The following ENPP3 variants were observed in gnomAD, a reference collection of about 807,000 sequenced individuals.
The protein encoded by ENPP3 is ectonucleotide pyrophosphatase/phosphodiesterase family member 3.
Under a neutral mutation model 117.8 loss-of-function variants are expected in ENPP3, and 104 were observed. That is an observed-to-expected ratio of 0.88 (90% CI 0.75 to 1.04). The LOEUF is 1.04. Among genes scored for constraint, ENPP3 ranks in the 50% least tolerant of loss-of-function variants. The pLI is 0.00. For synonymous variants in ENPP3, 380 were observed against 349.9 expected (o/e 1.09, Z -0.96); for missense variants, 1,026 against 1,051.9 (o/e 0.98, Z 0.34).
Position 131,683,058 on chromosome 6 carries a change from T to G in ENPP3, c.1016T>G (p.Ile339Ser). 1 of 1,593,366 alleles carries G rather than the reference T, an allele frequency of 6.3e-7. No individual in the cohort carries two copies. The highest frequency in any genetic ancestry group is 8.6e-7 in the Non-Finnish European group (1 of 1,161,690). ...TAACTCCAAATTATTTTTCAGGTAA[T>G]TAAAGCCTTACAGGTAGTAGATCAT... is the stretch of plus-strand genomic sequence containing the variant. ...HAGGPVSARV[I>S]KALQVVDHAF... Residue 339 changes from isoleucine to serine, a missense_variant, in exon 12 of 25, where the codon ATT becomes AGT. Coordinates refer to ENST00000357639, the MANE Select transcript of ENPP3 (RefSeq NM_005021.5).
chr6:131,641,379 C>A, intron 1 of ENPP3, 76 bp from the exon 2 acceptor site: 1 of 898,332 alleles, frequency 1.1e-6, no homozygotes, highest in Non-Finnish European at 1.8e-6. Context: ...AGAGAGAATA[C>A]TGAGAAAGGG....
intron 2 of ENPP3, among the ~76,000 whole-genome samples, chr6:131,646,754 T>C (rs1778161597): frequency 6.6e-6 from 1 of 151,562 alleles, no homozygotes; most frequent in African/African-American, 2.4e-5. Context: ...CTTTTTTTTT[T>C]TTTTTTTTTA....
intron 1 of ENPP3, among the ~76,000 whole-genome samples, chr6:131,638,872 A>G (rs1436244199): frequency 1.3e-5 from 2 of 151,714 alleles, no homozygotes; most frequent in Non-Finnish European, 2.9e-5. Flanking sequence ...TATGTTGCCC[A>G]GGCTGGTCTT....
intron 2 of ENPP3, among the ~76,000 whole-genome samples, chr6:131,646,785 T>A (rs1378775081): frequency 6.7e-6 from 1 of 149,108 alleles, no homozygotes; most frequent in East Asian, 2.0e-4. Flanking sequence ...GACTCCTTCC[T>A]CTTAGGCACC....
At chr6:131,716,179 T>C (rs1299155131) in intron 15 of ENPP3, among the ~76,000 whole-genome samples, 3 of 152,222 alleles carry the variant, frequency 2.0e-5, no homozygotes, top group Admixed American at 2.0e-4. Flanking sequence ...AAATATTTCA[T>C]ATGGGACTTG....
At position 131,746,920 on chromosome 6, in the gene ENPP3, A is replaced by G. The variant is rs145544747; in HGVS notation, c.2592A>G (p.Leu864=). Residue 864 remains leucine, a synonymous_variant, in exon 25 of 25, where the codon CTA becomes CTG. Transcript: ENST00000357639. The stretch of plus-strand genomic sequence containing the variant: ...AGCCTGTCTCTGAAATTTTGCAACT[A>G]AAGACATATTTACCAACATTTGAAA... ...KVQPVSEILQ[L]KTYLPTFETT... The G allele has an allele frequency of 9.6e-3, 15,489 of 1,609,084 alleles. 89 individuals carry two copies. The highest frequency in any genetic ancestry group is 0.011 in the Non-Finnish European group (13,140 of 1,176,850).
At chr6:131,663,805 C>T (rs1320234254) in intron 6 of ENPP3, among the ~76,000 whole-genome samples, 1 of 152,034 alleles carries the variant, frequency 6.6e-6, no homozygotes, top group South Asian at 2.1e-4. Flanking sequence ...ACCTACTGCA[C>T]TGCCAGTCAT....
rs60833818 is a variant in ENPP3 at position 131,668,330 on chromosome 6, GC to G, written c.563-2910del. Among the ~76,000 whole-genome samples the G allele has an allele frequency of 1.7e-3, 238 of 141,674 alleles. 1 individual carries two copies. Among genetic ancestry groups the G allele is most frequent in the Admixed American group, 2.3e-3 (30 of 13,124 alleles). 92.9% of individuals were successfully genotyped at this position (141,674 alleles called of 152,430 possible). ...CGGGTTCCAGTGATTCTCCTGTCTC[GC>G]CCCCCCCTGAGGATCTGGGATTACA... On this transcript the variant is annotated intron_variant, in intron 6 of 24. Coordinates refer to ENST00000357639, the MANE Select transcript of ENPP3 (RefSeq NM_005021.5).
intron 24 of ENPP3, among the ~76,000 whole-genome samples, chr6:131,742,303 G>A (rs570162233): frequency 1.8e-4 from 28 of 152,262 alleles, no homozygotes; most frequent in African/African-American, 6.7e-4. Flanking sequence ...ATCAATGACT[G>A]ATACGATGTG....
chr6:131,708,918 T>G (rs770025183), intron 15 of ENPP3: 2 of 1,606,794 alleles, frequency 1.2e-6, no homozygotes, highest in Non-Finnish European at 1.7e-6. Flanking sequence ...GACCGCTGAT[T>G]GGAGCAAGAG....
chr6:131,686,436 TG>T (rs1779154859), intron 14 of ENPP3, among the ~76,000 whole-genome samples: 1 of 152,212 alleles, frequency 6.6e-6, no homozygotes, highest in African/African-American at 2.4e-5. Flanking sequence ...AGACCTGGAA[TG>T]GTCTTCTGTA....
intron 6 of ENPP3, 121 bp from the exon 7 acceptor site, chr6:131,671,127 C>G: frequency 1.5e-6 from 1 of 677,412 alleles, no homozygotes; most frequent in South Asian, 1.6e-5. Context: ...CTCTTTCCAT[C>G]TTTAATCCAC....
intron 3 of ENPP3, among the ~76,000 whole-genome samples, chr6:131,651,371 A>C (rs1778259239): frequency 6.6e-6 from 1 of 152,242 alleles, no homozygotes; most frequent in African/African-American, 2.4e-5. Flanking sequence ...CTAAATACAG[A>C]ATTCACACTT....
intron 2 of ENPP3, among the ~76,000 whole-genome samples, chr6:131,641,787 T>G (rs1234414968): frequency 6.7e-6 from 1 of 148,402 alleles, no homozygotes; most frequent in Non-Finnish European, 1.5e-5. Context: ...TCTCTTACCT[T>G]TCTCCACCCT....
chr6:131,701,318 C>G, intron 15 of ENPP3: 1 of 1,610,630 alleles, frequency 6.2e-7, no homozygotes, highest in Non-Finnish European at 8.5e-7. Flanking sequence ...GGGAGAAGAG[C>G]CCAAAGAGGA....
At chr6:131,679,039 T>TC (rs1778957159) in intron 11 of ENPP3, among the ~76,000 whole-genome samples, 2 of 115,328 alleles carry the variant, frequency 1.7e-5, no homozygotes, top group African/African-American at 8.4e-5. Context: ...CTTTCTTTCT[T>TC]TCTTTCTTTC....
chr6:131,658,000 T>C (rs943112289), intron 5 of ENPP3, among the ~76,000 whole-genome samples: 5 of 151,754 alleles, frequency 3.3e-5, no homozygotes, highest in Non-Finnish European at 7.4e-5. Flanking sequence ...CTGTCTCTAC[T>C]AAAATTTATC....
At chr6:131,738,262 T>C (rs1283181700) in intron 23 of ENPP3, 99 bp downstream of exon 23, 1 of 917,080 alleles carries the variant, frequency 1.1e-6, no homozygotes, top group East Asian at 2.7e-5. Context: ...CATAATACAT[T>C]CACAGACAAA....
intron 6 of ENPP3, among the ~76,000 whole-genome samples, chr6:131,665,054 A>G (rs1585636353): frequency 6.6e-6 from 1 of 152,266 alleles, no homozygotes; most frequent in African/African-American, 2.4e-5. Flanking sequence ...ATATCACATT[A>G]ATTGATTTTC....
Sources: allele counts gnomAD v4.1 joint callset (sites outside exome capture counted in the v4.1 genomes callset), GRCh38; gene constraint gnomAD v4.1.1; transcripts MANE v1.5; gene names NCBI Gene and HGNC (gene_info 2026-07-23, HGNC 2026-07-21).